The following BRCA1 variants were observed in gnomAD, a reference collection of about 807,000 sequenced individuals.
BRCA1 encodes BRCA1 DNA repair associated.
A neutral mutation model predicts 173.7 loss-of-function variants in BRCA1; 140 were observed. The ratio of observed to expected loss-of-function variants is 0.81; its 90% confidence interval spans 0.70 to 0.93. The LOEUF is 0.93. Ranked by LOEUF, BRCA1 falls within the 40% of genes least tolerant of loss-of-function variation. BRCA1 has a pLI of 0.00. For missense variants in BRCA1, 1,983 were observed against 2,172.5 expected (o/e 0.91, Z 1.73); for synonymous variants, 662 against 756.0 (o/e 0.88, Z 2.04).
chr17:43,150,489 C>T (rs977375397), intron 1 of BRCA1, among the ~76,000 whole-genome samples: 2 of 152,174 alleles, frequency 1.3e-5, no homozygotes, highest in Admixed American at 1.3e-4. Context: ...GTGTCCTGGG[C>T]CATCCAGTCC....
In BRCA1 at chr17:43,092,946, T is replaced by G; in HGVS notation, c.2585A>C (p.Lys862Thr). Residue 862 changes from lysine (K) to threonine (T), a missense_variant, in exon 10 of 23, where the codon AAG becomes ACG. Transcript: ENST00000357654. ...LDAQYLQNTF[K>T]VSKRQSFAPF... Reference sequence around the variant, plus strand: ...AGCAAATGACTGGCGCTTTGAAACCTTGAATGTATTCTGCAAATACTGAGC... The same window carrying G: ...AGCAAATGACTGGCGCTTTGAAACCGTGAATGTATTCTGCAAATACTGAGC... 2 of 1,613,844 alleles carry G rather than the reference T, an allele frequency of 1.2e-6. No homozygotes were observed. The highest frequency in any genetic ancestry group is 1.7e-6 in the Non-Finnish European group (2 of 1,179,952).
At chr17:43,071,316 A>C in intron 14 of BRCA1, 78 bp from the exon 15 acceptor site, 5 of 1,513,452 alleles carry the variant, frequency 3.3e-6, no homozygotes, top group Non-Finnish European at 4.6e-6. Flanking sequence ...TTAAGAATTA[A>C]AAAGACCAAT....
Position 43,045,427 on chromosome 17 carries a change from T to A in BRCA1, c.*251A>T. ...TCAATTGGTGGCGTTTAAATGGTTTTAAAATCTTCTCAGGTGAAAAATTAC... is the reference window on the plus strand; with the variant it reads ...TCAATTGGTGGCGTTTAAATGGTTTAAAAATCTTCTCAGGTGAAAAATTAC... On this transcript the variant is annotated 3_prime_UTR_variant, in exon 23 of 23. Coordinates refer to ENST00000357654, the MANE Select transcript of BRCA1 (RefSeq NM_007294.4). 1.5e-6 allele frequency: 1 copy of A among 685,776 alleles called. No homozygotes were observed. Among genetic ancestry groups the A allele is most frequent in the Non-Finnish European group, 2.6e-6 (1 of 378,024 alleles). The allele number at this position is 685,776 out of a possible 1,614,324, so 42.5% of individuals were successfully genotyped here.
chr17:43,130,327 A>G (rs988534728), upstream of BRCA1, among the ~76,000 whole-genome samples: 2 of 151,734 alleles, frequency 1.3e-5, no homozygotes, highest in African/African-American at 4.8e-5. Flanking sequence ...TTTTTATTTT[A>G]TTTTTGAGAC....
intron 2 of BRCA1, among the ~76,000 whole-genome samples, chr17:43,120,601 T>C (rs561256666): frequency 6.6e-6 from 1 of 151,292 alleles, no homozygotes; most frequent in Non-Finnish European, 1.5e-5. Context: ...CCGTCTCTAC[T>C]AAAAATACAA....
At chr17:43,100,560 A>ATATATAACATATATATAT (rs2054346488) in intron 6 of BRCA1, among the ~76,000 whole-genome samples, 2 of 16,080 alleles carry the variant, frequency 1.2e-4, no homozygotes, top group Non-Finnish European at 4.1e-4. Context: ...GTGTGTGTGT[A>ATATATAACATATATATAT]TATATATATA....
rs1262271602 is a variant in BRCA1, at chr17:43,125,295, G to C, written c.-44C>G. 2.2e-6 allele frequency: 1 copy of C among 456,236 alleles called. No homozygotes were observed. Among genetic ancestry groups the C allele is most frequent in the Non-Finnish European group, 4.4e-6 (1 of 226,954 alleles). 28.3% of individuals were successfully genotyped at this position (456,236 alleles called of 1,614,324 possible). A position where few individuals can be genotyped will look rare whatever the true frequency, so the allele number is the denominator to read the frequency against. On this transcript the variant is annotated 5_prime_UTR_variant, in exon 1 of 23. Transcript: ENST00000357654. ...CCTTTACCCAGAGCAGAGGGTGAAG[G>C]CCTCCTGAGCGCAGGGGCCCAGTTA...
chr17:43,127,512 A>G (rs183796323), upstream of BRCA1, among the ~76,000 whole-genome samples: 567 of 152,178 alleles, frequency 3.7e-3, 4 homozygotes, highest in African/African-American at 0.013. Context: ...AGGTTTGTAA[A>G]CGCACCAATC....
chr17:43,074,782 G>A (rs563886788), intron 13 of BRCA1, among the ~76,000 whole-genome samples: 11 of 152,244 alleles, frequency 7.2e-5, no homozygotes, highest in South Asian at 2.1e-4. Context: ...GTAGCTGGGT[G>A]TGGTGGCTGG....
chr17:43,127,640 C>A (rs1379059141), upstream of BRCA1, among the ~76,000 whole-genome samples: 1 of 152,124 alleles, frequency 6.6e-6, no homozygotes, highest in Non-Finnish European at 1.5e-5. Context: ...TGTAAATGCA[C>A]CAATCAGCAC....
intron 6 of BRCA1, among the ~76,000 whole-genome samples, chr17:43,100,595 T>TGTTA (rs1491092005): frequency 1.6e-5 from 1 of 61,990 alleles, no homozygotes; most frequent in African/African-American, 8.0e-5. Flanking sequence ...CATATATATA[T>TGTTA]TATATATATA....
In BRCA1 at chr17:43,165,880, A is replaced by T. The variant is rs572267499; in HGVS notation, c.-20+4246T>A. 10 of 152,056 alleles carry T rather than the reference A, an allele frequency of 6.6e-5. No individual in the cohort carries two copies. The South Asian group carries it at 1.0e-3, about 16-fold the overall frequency. The allele number at this position is 152,056 out of a possible 1,614,324, so 9.4% of individuals were successfully genotyped here. A position where few individuals can be genotyped will look rare whatever the true frequency, so the allele number is the denominator to read the frequency against. The stretch of plus-strand genomic sequence containing the variant: ...GTTGAAAACCTTTAAAAAAAATTTT[A>T]AAAAAATGCATGTTGTGCACATGTA... On this transcript the variant is annotated intron_variant, in intron 1 of 7. Transcript: ENST00000634433.
intron 1 of BRCA1, chr17:43,138,570 A>G (rs2056047094): frequency 2.8e-6 from 2 of 703,522 alleles, no homozygotes; most frequent in Non-Finnish European, 5.3e-6. Flanking sequence ...TCCAAGTATA[A>G]GTAGGGCTCC....
At chr17:43,115,618 C>T (rs1170167569) in intron 3 of BRCA1, 108 bp downstream of exon 3, 21 of 1,109,520 alleles carry the variant, frequency 1.9e-5, no homozygotes, top group Non-Finnish European at 2.6e-5. Flanking sequence ...ATTTTTCGTT[C>T]TCACTTAATT....
chr17:43,141,798 C>T (rs1172175957), intron 1 of BRCA1, among the ~76,000 whole-genome samples: 3 of 150,500 alleles, frequency 2.0e-5, no homozygotes, highest in African/African-American at 4.9e-5. Context: ...GGCGACAGAC[C>T]GAAAAAAAAA....
chr17:43,143,769 T>G (rs1211638024), intron 1 of BRCA1, among the ~76,000 whole-genome samples: 1 of 152,048 alleles, frequency 6.6e-6, no homozygotes, highest in Non-Finnish European at 1.5e-5. Flanking sequence ...GCAGTACACG[T>G]GAATGGAGAG....
rs869312513 is a variant in BRCA1 at position 43,085,057 on chromosome 17, A to G, written c.4186-2482T>C. ...AAATACATTAGGGAGAATAAAACCA[A>G]TAGGTTTCTAAGACTTCTTGATTCT... On this transcript the variant is annotated intron_variant, in intron 11 of 22. Coordinates refer to ENST00000357654, the MANE Select transcript of BRCA1 (RefSeq NM_007294.4). 4.6e-5 allele frequency among the ~76,000 whole-genome samples: 7 copies of G among 152,192 alleles called. No individual in the cohort carries two copies. Among genetic ancestry groups the G allele is most frequent in the East Asian group, 3.8e-4 (2 of 5,198 alleles).
chr17:43,124,106 T>G lies in BRCA1; in HGVS notation c.-10A>C, dbSNP rs748057929. 9.3e-6 allele frequency: 15 copies of G among 1,606,540 alleles called. No individual in the cohort carries two copies. The South Asian group carries it at 1.5e-4, about 16-fold the overall frequency. Reference sequence around the variant, plus strand: ...GAGCAGATAAATCCATTTCTTTCTGTTCCAATGAACTTTAACACATTAGAA... The same window carrying G: ...GAGCAGATAAATCCATTTCTTTCTGGTCCAATGAACTTTAACACATTAGAA... On this transcript the variant is annotated 5_prime_UTR_variant, in exon 2 of 23. Coordinates refer to ENST00000357654, the MANE Select transcript of BRCA1 (RefSeq NM_007294.4).
chr17:43,071,209 T>A lies in BRCA1; in HGVS notation c.4705A>T (p.Ser1569Cys). 3 of 1,614,198 alleles carry A rather than the reference T, an allele frequency of 1.9e-6. No individual in the cohort carries two copies. The highest frequency in any genetic ancestry group is 2.5e-6 in the Non-Finnish European group (3 of 1,180,030). ...GATTCAGGGTCATCAGAGAAGAGGC[T>A]GATTCCAGATTCCAGGTAAGGGGTT... The part of the protein sequence containing the change: ...EGTPYLESGI[S>C]LFSDDPESDP... The change falls in exon 15 of 23, where the codon AGC becomes TGC. Residue 1569 changes from serine to cysteine, a missense_variant. Ser to Cys is a moderately radical substitution (Grantham distance 112, BLOSUM62 -1). Coordinates refer to ENST00000357654, the MANE Select transcript of BRCA1 (RefSeq NM_007294.4).
Sources: allele counts gnomAD v4.1 joint callset (sites outside exome capture counted in the v4.1 genomes callset), GRCh38; gene constraint gnomAD v4.1.1; transcripts MANE v1.5; gene names NCBI Gene and HGNC (gene_info 2026-07-23, HGNC 2026-07-21).